Variants in TET1 observed in about 807,000 individuals in gnomAD.
TET1 encodes methylcytosine dioxygenase TET1.
TET1 carries 13 observed loss-of-function variants against 148.7 expected under a neutral mutation model. That is an observed-to-expected ratio of 0.09 (90% confidence interval 0.06 to 0.14). The LOEUF (loss-of-function observed/expected upper bound fraction) is 0.14, where lower values mean the gene tolerates loss of function less well. Ranked by LOEUF, TET1 falls within the 10% of genes least tolerant of loss-of-function variation. The pLI is 1.00. For missense variants in TET1, 2,182 were observed against 2,553.8 expected (o/e 0.85, Z 3.14); for synonymous variants, 907 against 937.2 (o/e 0.97, Z 0.59).
intron 7 of TET1, among the ~76,000 whole-genome samples, chr10:68,668,336 A>G (rs1333055301): frequency 6.6e-6 from 1 of 152,162 alleles, no homozygotes; most frequent in Non-Finnish European, 1.5e-5. Flanking sequence ...TTTTTCTATG[A>G]CTTTAAGCAA....
intron 1 of TET1, among the ~76,000 whole-genome samples, chr10:68,563,705 G>T (rs1204630471): frequency 6.6e-6 from 1 of 152,124 alleles, no homozygotes; most frequent in African/African-American, 2.4e-5. Flanking sequence ...TTTTTGAGAC[G>T]GAGTCTCGCT....
chr10:68,682,293 G>T (rs1187553511), intron 9 of TET1, among the ~76,000 whole-genome samples: 1 of 151,520 alleles, frequency 6.6e-6, no homozygotes, highest in Non-Finnish European at 1.5e-5. Flanking sequence ...TGTATTTTTA[G>T]TAGAGATGGG....
chr10:68,578,880 G>A (rs1159169583), intron 2 of TET1, among the ~76,000 whole-genome samples: 2 of 152,128 alleles, frequency 1.3e-5, no homozygotes, highest in Non-Finnish European at 1.5e-5. Flanking sequence ...TGCCGGGCGT[G>A]ATAGCTCATG....
At chr10:68,591,322 A>G (rs2053916475) in intron 2 of TET1, among the ~76,000 whole-genome samples, 1 of 152,134 alleles carries the variant, frequency 6.6e-6, no homozygotes, top group Non-Finnish European at 1.5e-5. Flanking sequence ...TATCTGAGTT[A>G]TGTTCCATGG....
At chr10:68,593,580 G>A (rs2053943841) in intron 2 of TET1, among the ~76,000 whole-genome samples, 1 of 151,954 alleles carries the variant, frequency 6.6e-6, no homozygotes, top group African/African-American at 2.4e-5. Context: ...TGGGACTACA[G>A]GCATGCGCCA....
At position 68,690,885 on chromosome 10, in the gene TET1, A is replaced by G; in HGVS notation, c.5482A>G (p.Thr1828Ala). The G allele has an allele frequency of 6.2e-7, 1 of 1,614,236 alleles. No individual in the cohort carries two copies. The highest frequency in any genetic ancestry group is 8.5e-7 in the Non-Finnish European group (1 of 1,180,042). ...TTTTATCTTAAAAAGTTCAGACAAC[A>G]CTAAAACTTATTCGCTGATGCCATC... ...PHFILKSSDN[T>A]KTYSLMPSAP... Residue 1828 changes from threonine (T) to alanine (A), a missense_variant, in exon 12 of 12, where the codon ACT (threonine) becomes GCT (alanine). Around this residue, in one of 11 missense-constraint regions of TET1, gnomAD observed 380 missense variants for 387.9 expected, o/e 0.98. Transcript: ENST00000373644.
chr10:68,645,674 T>A lies in TET1; in HGVS notation c.2945T>A (p.Ile982Asn). The A allele has an allele frequency of 1.2e-6, 2 of 1,614,124 alleles. No homozygotes were observed. Among genetic ancestry groups the A allele is most frequent in the Non-Finnish European group, 1.7e-6 (2 of 1,180,016 alleles). Reference sequence around the variant, plus strand: ...ACTACTACCCTTTCCAACTCACATATCAACTCAGCTACTAACCAAGCATCC... The same window carrying A: ...ACTACTACCCTTTCCAACTCACATAACAACTCAGCTACTAACCAAGCATCC... Reference protein sequence around the residue: ...GQTTTLSNSHINSATNQASTK... With the variant: ...GQTTTLSNSHNNSATNQASTK... The change falls in exon 4 of 12, where the codon ATC becomes AAC. Residue 982 changes from isoleucine (I) to asparagine (N), a missense_variant. Around this residue, in one of 11 missense-constraint regions of TET1, gnomAD observed 582 missense variants for 599.5 expected, o/e 0.97. Coordinates refer to ENST00000373644, the MANE Select transcript of TET1 (RefSeq NM_030625.3).
chr10:68,626,514 T>C (rs2054485124), intron 3 of TET1, among the ~76,000 whole-genome samples: 1 of 151,706 alleles, frequency 6.6e-6, no homozygotes, highest in South Asian at 2.1e-4. Flanking sequence ...ACATTTATTA[T>C]TGTCTTTTTC....
chr10:68,628,235 C>T (rs7917086), intron 3 of TET1, among the ~76,000 whole-genome samples: 24,163 of 152,202 alleles, frequency 0.16, 2,084 homozygotes, highest in South Asian at 0.24. Context: ...GCATGAGCCA[C>T]TGCCCCCGGC....
intron 11 of TET1, 40 bp from the exon 12 acceptor site, chr10:68,690,768 G>A (rs2055578962): frequency 3.3e-6 from 5 of 1,522,538 alleles, no homozygotes; most frequent in Non-Finnish European, 4.4e-6. Flanking sequence ...CCTACCAAAA[G>A]TAATTTGTAT....
At chr10:68,614,062 G>A (rs769941299) in intron 3 of TET1, among the ~76,000 whole-genome samples, 6 of 152,166 alleles carry the variant, frequency 3.9e-5, no homozygotes, top group Non-Finnish European at 7.3e-5. Flanking sequence ...ATGAAATCTG[G>A]TTTATGCTCT....
At chr10:68,598,700 C>CTTTTTTTTTT (rs36067164) in intron 2 of TET1, among the ~76,000 whole-genome samples, 2 of 129,904 alleles carry the variant, frequency 1.5e-5, no homozygotes, top group Non-Finnish European at 3.2e-5. Context: ...CTTTTTCTTT[C>CTTTTTTTTTT]TTTTTTTTTT....
At position 68,578,392 on chromosome 10, in the gene TET1, G is replaced by A. The variant is rs2053755994; in HGVS notation, c.1914+4140G>A. On this transcript the variant is annotated intron_variant, in intron 2 of 11. Coordinates refer to ENST00000373644, the MANE Select transcript of TET1 (RefSeq NM_030625.3). Reference sequence around the variant, plus strand: ...TCCTGCCTCAGCCTGCCGAGTAGCTGGGATTACAGGCACCTGCCACCATGC... The same window carrying A: ...TCCTGCCTCAGCCTGCCGAGTAGCTAGGATTACAGGCACCTGCCACCATGC... Among the ~76,000 whole-genome samples, 3 of 152,168 alleles carry A rather than the reference G, an allele frequency of 2.0e-5. No homozygotes were observed. In the South Asian group the frequency reaches 6.2e-4, roughly 32 times the overall value.
chr10:68,592,415 A>G (rs1396907963), intron 2 of TET1, among the ~76,000 whole-genome samples: 1 of 152,212 alleles, frequency 6.6e-6, no homozygotes, highest in Non-Finnish European at 1.5e-5. Context: ...GGTAACTTAT[A>G]TTTTTGATAA....
intron 1 of TET1, among the ~76,000 whole-genome samples, chr10:68,568,414 G>C (rs2053630749): frequency 6.6e-6 from 1 of 151,484 alleles, no homozygotes; most frequent in African/African-American, 2.4e-5. Flanking sequence ...GTAGAGACAG[G>C]GTTTCACCAT....
At chr10:68,578,353 G>A (rs1227919420) in intron 2 of TET1, among the ~76,000 whole-genome samples, 1 of 152,064 alleles carries the variant, frequency 6.6e-6, no homozygotes, top group Non-Finnish European at 1.5e-5. Flanking sequence ...CCACCTCCCG[G>A]GTTCAAGCAA....
At position 68,694,040 on chromosome 10, in the gene TET1, T is replaced by C. The variant is rs2055625221; in HGVS notation, c.*2226T>C. The C allele has an allele frequency of 4.3e-6, 1 of 231,592 alleles. No individual in the cohort carries two copies. Among genetic ancestry groups the C allele is most frequent in the East Asian group, 6.2e-5 (1 of 16,242 alleles). 14.3% of individuals were successfully genotyped at this position (231,592 alleles called of 1,614,324 possible). Reference sequence around the variant, plus strand: ...TATTTTTAAAAGAAGTAGCAAATTATCTTCAGTATAATCCATGGTAATGTA... The same window carrying C: ...TATTTTTAAAAGAAGTAGCAAATTACCTTCAGTATAATCCATGGTAATGTA... On this transcript the variant is annotated 3_prime_UTR_variant, in exon 12 of 12. Coordinates refer to ENST00000373644, the MANE Select transcript of TET1 (RefSeq NM_030625.3).
chr10:68,603,024 C>A (rs778148753), intron 3 of TET1, among the ~76,000 whole-genome samples: 1 of 151,862 alleles, frequency 6.6e-6, no homozygotes, highest in Non-Finnish European at 1.5e-5. Context: ...AAAAATGAAA[C>A]CTGTGTTTGG....
At chr10:68,677,052 A>T (rs2055371512) in intron 8 of TET1, among the ~76,000 whole-genome samples, 2 of 152,236 alleles carry the variant, frequency 1.3e-5, no homozygotes, top group African/African-American at 4.8e-5. Flanking sequence ...AGCAAAGTTC[A>T]TGGCAACAGT....
Sources: allele counts gnomAD v4.1 joint callset (sites outside exome capture counted in the v4.1 genomes callset), GRCh38; gene constraint gnomAD v4.1.1; regional missense constraint gnomAD v4.1.1; transcripts MANE v1.5; gene names NCBI Gene and HGNC (gene_info 2026-07-23, HGNC 2026-07-21).